CRACR2A: variants seen among roughly 807,000 people sequenced by gnomAD.
CRACR2A encodes calcium release activated channel regulator 2A.
CRACR2A carries 79 observed loss-of-function variants against 90.5 expected under a neutral mutation model. The ratio of observed to expected loss-of-function variants is 0.87; its 90% CI spans 0.73 to 1.05. CRACR2A has a LOEUF of 1.05. CRACR2A is among the 50% of genes least tolerant of loss of function. The pLI, the probability that CRACR2A is intolerant of heterozygous loss-of-function variation, is 0.00. For synonymous variants in CRACR2A, 338 were observed against 356.7 expected (o/e 0.95, Z 0.59); for missense variants, 823 against 897.2 (o/e 0.92, Z 1.06).
chr12:3,702,092 C>T (rs758608886), intron 3 of CRACR2A, among the ~76,000 whole-genome samples: 49 of 152,036 alleles, frequency 3.2e-4, no homozygotes, highest in Non-Finnish European at 4.7e-4. Flanking sequence ...ATACAGAAAA[C>T]GCATCTGACA....
At chr12:3,686,736 T>C (rs1023085681) in intron 4 of CRACR2A, among the ~76,000 whole-genome samples, 4 of 152,030 alleles carry the variant, frequency 2.6e-5, no homozygotes, top group Non-Finnish European at 5.9e-5. Flanking sequence ...CCCAATTCTG[T>C]CTGGAGAGAT....
rs1946636738 is a variant in CRACR2A, at chr12:3,746,945, C to T, written c.-387+6070G>A. 6.6e-6 allele frequency among the ~76,000 whole-genome samples: 1 copy of T among 152,238 alleles called. No individual in the cohort carries two copies. ...ACCCATGGGATCACATGTGCGTGGA[C>T]CACGTGCTTCCTCACATCCCTTAAC... On this transcript the variant is annotated intron_variant, in intron 1 of 19. Transcript: ENST00000440314. This position sits in a 1 kb window ranked among gnomAD's most constrained non-coding sequence, Gnocchi z 4.4.
At chr12:3,685,893 T>C (rs917546421) in intron 4 of CRACR2A, among the ~76,000 whole-genome samples, 4 of 152,236 alleles carry the variant, frequency 2.6e-5, no homozygotes, top group African/African-American at 7.2e-5. Flanking sequence ...TTGTGTGTTA[T>C]CTGTATCTTA....
intron 18 of CRACR2A, among the ~76,000 whole-genome samples, chr12:3,618,999 A>G (rs1225581010): frequency 6.6e-6 from 1 of 152,208 alleles, no homozygotes; most frequent in African/African-American, 2.4e-5. Flanking sequence ...CTTAGAATGT[A>G]TACTTCTGAG....
intron 1 of CRACR2A, among the ~76,000 whole-genome samples, chr12:3,745,539 C>T (rs949636806): frequency 2.0e-5 from 3 of 151,936 alleles, no homozygotes; most frequent in African/African-American, 4.8e-5. Flanking sequence ...TTTGGGAGGC[C>T]AAGGCAGGCA....
chr12:3,689,168 A>C (rs529717092), intron 4 of CRACR2A, among the ~76,000 whole-genome samples: 2 of 152,100 alleles, frequency 1.3e-5, no homozygotes, highest in Non-Finnish European at 2.9e-5. Context: ...TCTCTTCCTA[A>C]ATGGATGTGC....
At chr12:3,630,433 G>T (rs992951430) in intron 15 of CRACR2A, among the ~76,000 whole-genome samples, 1 of 152,134 alleles carries the variant, frequency 6.6e-6, no homozygotes, top group African/African-American at 2.4e-5. Flanking sequence ...GCTGCTGCAG[G>T]GATTTCTCTG....
chr12:3,705,792 C>T (rs774303624), intron 3 of CRACR2A, among the ~76,000 whole-genome samples: 2 of 152,150 alleles, frequency 1.3e-5, no homozygotes, highest in African/African-American at 2.4e-5. Flanking sequence ...TGGATAATGT[C>T]GGAATTGAAT....
chr12:3,685,270 T>C (rs1373458797), intron 4 of CRACR2A, among the ~76,000 whole-genome samples: 2 of 152,226 alleles, frequency 1.3e-5, no homozygotes, highest in Non-Finnish European at 2.9e-5. Flanking sequence ...GACAGACAAC[T>C]TGCACCTTAA....
chr12:3,639,476 A>ACACACACACACACACACACACG (rs1408970383), intron 13 of CRACR2A, among the ~76,000 whole-genome samples: 3 of 151,872 alleles, frequency 2.0e-5, no homozygotes, highest in Non-Finnish European at 2.9e-5. Flanking sequence ...ACACACACAC[A>ACACACACACACACACACACACG]CGCATGCAAG....
At chr12:3,634,862 A>T (rs1041850012) in intron 14 of CRACR2A, among the ~76,000 whole-genome samples, 1 of 152,214 alleles carries the variant, frequency 6.6e-6, no homozygotes, top group Non-Finnish European at 1.5e-5. Context: ...TAAAAGTTAA[A>T]AAAAAAATAA....
chr12:3,652,282 C>T (rs1397508314), intron 10 of CRACR2A, among the ~76,000 whole-genome samples: 4 of 152,174 alleles, frequency 2.6e-5, no homozygotes, highest in Admixed American at 2.6e-4. Flanking sequence ...TTTCAAGAGC[C>T]TGCATCCTTA....
intron 8 of CRACR2A, among the ~76,000 whole-genome samples, chr12:3,658,725 C>T (rs1013942778): frequency 2.0e-5 from 3 of 151,982 alleles, no homozygotes; most frequent in Non-Finnish European, 4.4e-5. Context: ...TAGTGCTGAG[C>T]GGCAAGGGAG....
intron 4 of CRACR2A, among the ~76,000 whole-genome samples, chr12:3,681,529 G>A (rs756747496): frequency 5.9e-5 from 9 of 152,182 alleles, no homozygotes; most frequent in Admixed American, 2.6e-4. Context: ...GATGAAGCAA[G>A]TGTACCCTCA....
At chr12:3,632,890 T>C (rs1944400234) in intron 15 of CRACR2A, among the ~76,000 whole-genome samples, 2 of 152,178 alleles carry the variant, frequency 1.3e-5, no homozygotes, top group Admixed American at 1.3e-4. Flanking sequence ...CACCCTTCTG[T>C]TGAGTGATTC....
Position 3,705,087 on chromosome 12 carries a change from C to A in CRACR2A, c.-36-8052G>T, listed in dbSNP as rs562047776. 3.9e-5 allele frequency among the ~76,000 whole-genome samples: 6 copies of A among 152,296 alleles called. No homozygotes were observed. The South Asian group carries it at 1.2e-3, about 32-fold the overall frequency. On this transcript the variant is annotated intron_variant, in intron 3 of 19. Coordinates refer to ENST00000440314, the MANE Select transcript of CRACR2A (RefSeq NM_001144958.2). ...ATAGCTTTTTGTCTCAGAGATTTGCCATTAGACCAACAGACAGTAAGCACA... is the reference window on the plus strand; with the variant it reads ...ATAGCTTTTTGTCTCAGAGATTTGCAATTAGACCAACAGACAGTAAGCACA...
At chr12:3,635,164 C>T (rs907713311) in intron 14 of CRACR2A, among the ~76,000 whole-genome samples, 1 of 152,190 alleles carries the variant, frequency 6.6e-6, no homozygotes, top group Non-Finnish European at 1.5e-5. Context: ...CCCATAGACA[C>T]AGCAATGGCT....
At chr12:3,639,687 A>C (rs1454185288) in intron 13 of CRACR2A, among the ~76,000 whole-genome samples, 1 of 152,232 alleles carries the variant, frequency 6.6e-6, no homozygotes, top group East Asian at 1.9e-4. Flanking sequence ...AGGTATCACC[A>C]TCCTGAAATT....
intron 4 of CRACR2A, among the ~76,000 whole-genome samples, chr12:3,682,758 GTACTGTT>G (rs1173802123): frequency 1.3e-5 from 2 of 151,424 alleles, no homozygotes; most frequent in Non-Finnish European, 2.9e-5. Context: ...TGGTCCCCTG[GTACTGTT>G]TACATTATTT....
Sources: allele counts gnomAD v4.1 joint callset (sites outside exome capture counted in the v4.1 genomes callset), GRCh38; gene constraint gnomAD v4.1.1; non-coding constraint Gnocchi (gnomAD v3.1); transcripts MANE v1.5; gene names NCBI Gene and HGNC (gene_info 2026-07-23, HGNC 2026-07-21).